Variants in AGAP1 observed in about 807,000 individuals in gnomAD.
AGAP1 encodes ArfGAP with GTPase domain, ankyrin repeat and PH domain 1, also known as arf-GAP with GTPase, ANK repeat and PH domain-containing protein 1.
Under a neutral mutation model 105.3 loss-of-function variants are expected in AGAP1, and 29 were observed. The observed-to-expected ratio is 0.28, with a 90% CI of 0.21 to 0.38. AGAP1 has a LOEUF of 0.38. Ranked by LOEUF, AGAP1 falls within the 10% of genes least tolerant of loss-of-function variation. The pLI is 1.00. For missense variants in AGAP1, 998 were observed against 1,165.1 expected (o/e 0.86, Z 2.09); for synonymous variants, 509 against 485.9 (o/e 1.05, Z -0.63).
intron 13 of AGAP1, among the ~76,000 whole-genome samples, chr2:236,015,182 A>G (rs1308802742): frequency 2.0e-5 from 3 of 152,062 alleles, no homozygotes; most frequent in Admixed American, 6.5e-5. Flanking sequence ...TCCTTTATAC[A>G]TGTGGGCACT....
intron 10 of AGAP1, among the ~76,000 whole-genome samples, chr2:235,884,905 G>T (rs1391952997): frequency 6.6e-6 from 1 of 152,024 alleles, no homozygotes; most frequent in East Asian, 1.9e-4. Context: ...TAGAGACTGG[G>T]TCTCCCTCTG....
At chr2:235,679,239 T>C (rs551481022) in intron 1 of AGAP1, among the ~76,000 whole-genome samples, 3 of 152,244 alleles carry the variant, frequency 2.0e-5, no homozygotes, top group Admixed American at 6.5e-5. Context: ...TAAACAGATA[T>C]GTCACTGTGC....
chr2:235,755,607 C>T (rs548234046), intron 6 of AGAP1, among the ~76,000 whole-genome samples: 1 of 152,314 alleles, frequency 6.6e-6, no homozygotes, highest in South Asian at 2.1e-4. Flanking sequence ...TGCCCAGCTA[C>T]TTTTTGGCTA....
rs540889904 is a variant in AGAP1 at position 236,087,562 on chromosome 2, G to A, written c.2115-32630G>A. Reference sequence around the variant, plus strand: ...CTGCCCATGACGGGCTACTTGGACGGCTCATGCCCACCTCTGACTAGTTTG... The same window carrying A: ...CTGCCCATGACGGGCTACTTGGACGACTCATGCCCACCTCTGACTAGTTTG... On this transcript the variant is annotated intron_variant, in intron 16 of 17. Transcript: ENST00000304032. The surrounding 1 kb of genome is among the most constrained non-coding windows in gnomAD (Gnocchi z 5.7). 3.9e-5 allele frequency among the ~76,000 whole-genome samples: 6 copies of A among 152,156 alleles called. No homozygotes were observed. Among genetic ancestry groups the A allele is most frequent in the Non-Finnish European group, 8.8e-5 (6 of 68,030 alleles).
At position 235,740,944 on chromosome 2, in the gene AGAP1, T is replaced by A. The variant is rs370716770; in HGVS notation, c.311-19T>A. The A allele has an allele frequency of 6.2e-6, 10 of 1,613,754 alleles. No homozygotes were observed. The highest frequency in any genetic ancestry group is 8.5e-6 in the Non-Finnish European group (10 of 1,179,644). ...TCTCTGTTGTTCTCGTGTAACGAGA[T>A]GTTTTGTGTGTGTGGCAGGTGGCAG... is the stretch of plus-strand genomic sequence containing the variant. On this transcript the variant is annotated intron_variant, in intron 3 of 17. Transcript: ENST00000304032. The surrounding 1 kb of genome is among the most constrained non-coding windows in gnomAD (Gnocchi z 5.7).
At position 235,970,559 on chromosome 2, in the gene AGAP1, C is replaced by G. The variant is rs928984069; in HGVS notation, c.1645+1936C>G. 5.3e-5 allele frequency among the ~76,000 whole-genome samples: 8 copies of G among 152,218 alleles called. No homozygotes were observed. The highest frequency in any genetic ancestry group is 6.5e-5 in the Admixed American group (1 of 15,286). Reference sequence around the variant, plus strand: ...AGGACAGGCCTTGTTCTCACTTTCACAGGCACGCGTCTTCTTGCATTTGTT... The same window carrying G: ...AGGACAGGCCTTGTTCTCACTTTCAGAGGCACGCGTCTTCTTGCATTTGTT... On this transcript the variant is annotated intron_variant, in intron 13 of 17. Coordinates refer to ENST00000304032, the MANE Select transcript of AGAP1 (RefSeq NM_001037131.3). The surrounding 1 kb of genome is among the most constrained non-coding windows in gnomAD (Gnocchi z 5.4).
At chr2:235,683,190 C>G (rs1235707808) in intron 1 of AGAP1, among the ~76,000 whole-genome samples, 1 of 150,698 alleles carries the variant, frequency 6.6e-6, no homozygotes, top group East Asian at 1.9e-4. Context: ...ACTTGTAATC[C>G]CAGCTACTGG....
chr2:235,767,777 CTTTTTTT>C (rs71414307), intron 6 of AGAP1, among the ~76,000 whole-genome samples: 80 of 62,058 alleles, frequency 1.3e-3, no homozygotes, highest in Non-Finnish European at 1.9e-3. Context: ...AGTTTCTTGT[CTTTTTTT>C]TTTTTTTTTT....
At chr2:235,933,010 T>C (rs936377443) in intron 12 of AGAP1, among the ~76,000 whole-genome samples, 5 of 152,158 alleles carry the variant, frequency 3.3e-5, no homozygotes, top group African/African-American at 1.2e-4. Flanking sequence ...CTCCCTGACC[T>C]CGTAAATCTT....
In AGAP1 at chr2:235,700,811, C is replaced by G. The variant is rs1017554743; in HGVS notation, c.164-8368C>G. 6.6e-6 allele frequency among the ~76,000 whole-genome samples: 1 copy of G among 150,388 alleles called. No homozygotes were observed. The highest frequency in any genetic ancestry group is 1.5e-5 in the Non-Finnish European group (1 of 67,776). ...CGAGAATCTGTCTCTGTCTCTCTCTCTCTCTCTCTGTGTATATATAGTATA... is the reference window on the plus strand; with the variant it reads ...CGAGAATCTGTCTCTGTCTCTCTCTGTCTCTCTCTGTGTATATATAGTATA... On this transcript the variant is annotated intron_variant, in intron 1 of 17. Coordinates refer to ENST00000304032, the MANE Select transcript of AGAP1 (RefSeq NM_001037131.3). The surrounding 1 kb of genome is among the most constrained non-coding windows in gnomAD (Gnocchi z 6.1).
intron 12 of AGAP1, among the ~76,000 whole-genome samples, chr2:235,950,144 A>G (rs568061436): frequency 6.6e-6 from 1 of 152,202 alleles, no homozygotes; most frequent in South Asian, 2.1e-4. Context: ...AAATGGGGTG[A>G]GTGTAAAAGT....
At chr2:235,819,759 G>A (rs186820574) in intron 9 of AGAP1, among the ~76,000 whole-genome samples, 22 of 152,044 alleles carry the variant, frequency 1.4e-4, no homozygotes, top group Admixed American at 7.2e-4. Context: ...ACGTGTTTCC[G>A]GATGGTGCAC....
intron 1 of AGAP1, among the ~76,000 whole-genome samples, chr2:235,495,980 TG>T (rs1431253313): frequency 6.6e-6 from 1 of 152,226 alleles, no homozygotes; most frequent in Non-Finnish European, 1.5e-5. Flanking sequence ...CCTGAAAGCC[TG>T]GTGCTGGCGT....
rs1410188699 is a variant in AGAP1, at chr2:235,988,992, A to C, written c.1645+20369A>C. ...AGGTCTTCCGAGGAATGCACAGACC[A>C]CACGTTGTCAGGCTTCCCTTGGCCA... On this transcript the variant is annotated intron_variant, in intron 13 of 17. Coordinates refer to ENST00000304032, the MANE Select transcript of AGAP1 (RefSeq NM_001037131.3). This position sits in a 1 kb window ranked among gnomAD's most constrained non-coding sequence, Gnocchi z 4.7. Among the ~76,000 whole-genome samples, 1 of 152,170 alleles carries C rather than the reference A, an allele frequency of 6.6e-6. No individual in the cohort carries two copies. Among genetic ancestry groups the C allele is most frequent in the Non-Finnish European group, 1.5e-5 (1 of 68,032 alleles).
At chr2:235,501,644 T>C (rs1350103062) in intron 1 of AGAP1, among the ~76,000 whole-genome samples, 2 of 152,174 alleles carry the variant, frequency 1.3e-5, no homozygotes, top group Non-Finnish European at 2.9e-5. Flanking sequence ...GAAAATCCCT[T>C]ATTTTGCATC....
Position 235,687,425 on chromosome 2 carries a change from C to T in AGAP1, c.164-21754C>T, listed in dbSNP as rs191723443. On this transcript the variant is annotated intron_variant, in intron 1 of 17. Transcript: ENST00000304032. ...GTAGGAATGTCATCCCTCTGCAGAC[C>T]TTTGAGTCCAGATTTCATTTGTAGT... 3.8e-3 allele frequency among the ~76,000 whole-genome samples: 586 copies of T among 152,232 alleles called. 2 individuals are homozygous for T. The highest frequency in any genetic ancestry group is 4.6e-3 in the Non-Finnish European group (312 of 68,020).
In AGAP1 at chr2:235,994,949, C is replaced by T. The variant is rs1007094459; in HGVS notation, c.1645+26326C>T. Among the ~76,000 whole-genome samples the T allele has an allele frequency of 1.3e-5, 2 of 149,670 alleles. No homozygotes were observed. The highest frequency in any genetic ancestry group is 6.7e-5 in the Admixed American group (1 of 14,954). ...AAGCGTGGTGGTAGGCGCCTGTAAT[C>T]GCAGCTACTTGGGAGGCTGAGGCAA... On this transcript the variant is annotated intron_variant, in intron 13 of 17. Transcript: ENST00000304032. The surrounding 1 kb of genome is among the most constrained non-coding windows in gnomAD (Gnocchi z 4.4).
intron 16 of AGAP1, among the ~76,000 whole-genome samples, chr2:236,097,847 C>G (rs1297800625): frequency 2.6e-5 from 4 of 152,178 alleles, no homozygotes; most frequent in Non-Finnish European, 4.4e-5. Flanking sequence ...CCCCACCATT[C>G]TACTCTCCTT....
At chr2:235,652,083 G>A (rs1251512396) in intron 1 of AGAP1, among the ~76,000 whole-genome samples, 1 of 152,172 alleles carries the variant, frequency 6.6e-6, no homozygotes, top group Non-Finnish European at 1.5e-5. Flanking sequence ...ATCGAAGGGG[G>A]CAAACTTAAT....
Sources: gnomAD v4.1 joint callset for allele counts (sites outside exome capture counted in the v4.1 genomes callset) on GRCh38, gnomAD v4.1.1 for gene constraint, Gnocchi (gnomAD v3.1) non-coding constraint, MANE v1.5 for transcripts, NCBI Gene and HGNC (gene_info 2026-07-23, HGNC 2026-07-21) for gene names.